TNFAIP8L3: variants seen among roughly 807,000 people sequenced by gnomAD.
TNFAIP8L3 encodes the protein tumor necrosis factor alpha-induced protein 8-like protein 3.
A neutral mutation model predicts 11.8 loss-of-function variants in TNFAIP8L3; 7 were observed. That is an observed-to-expected ratio of 0.59 (90% CI 0.34 to 1.11). The LOEUF (loss-of-function observed/expected upper bound fraction) is 1.11, where lower values mean the gene tolerates loss of function less well. Among genes scored for constraint, TNFAIP8L3 ranks in the 50% most tolerant of loss-of-function variants. The pLI is 0.03. For synonymous variants in TNFAIP8L3, 98 were observed against 103.8 expected, an observed-to-expected ratio of 0.94 and a Z score of 0.34; for missense variants, 219 against 258.6, an observed-to-expected ratio of 0.85 and a Z score of 1.05.
chr15:51,079,430 T>C (rs1274626590), intron 1 of TNFAIP8L3, among the ~76,000 whole-genome samples: 1 of 152,344 alleles, frequency 6.6e-6, no homozygotes, highest in East Asian at 1.9e-4. Context: ...CTTATTTATC[T>C]GGGCAACTGT....
Position 51,082,165 on chromosome 15 carries a change from T to A in TNFAIP8L3, c.52+12379A>T, listed in dbSNP as rs1354298359. ...AGAAATGCATTAGGGGATTTTGCCA[T>A]TGGGTGAACATCATACGGTGTACTT... is the stretch of plus-strand genomic sequence containing the variant. On this transcript the variant is annotated intron_variant, in intron 1 of 1. Coordinates refer to ENST00000637513, the MANE Select transcript of TNFAIP8L3 (RefSeq NM_001311175.2). 3.9e-5 allele frequency among the ~76,000 whole-genome samples: 6 copies of A among 152,000 alleles called. No homozygotes were observed. In the South Asian group the frequency reaches 1.0e-3, roughly 26 times the overall value.
intron 1 of TNFAIP8L3, among the ~76,000 whole-genome samples, chr15:51,100,698 A>G (rs1371735565): frequency 6.6e-6 from 1 of 152,204 alleles, no homozygotes; most frequent in African/African-American, 2.4e-5. Context: ...AGGTGGGGGA[A>G]TCAAGATGAT....
At chr15:51,101,960 A>G (rs867292411) in intron 1 of TNFAIP8L3, among the ~76,000 whole-genome samples, 56 of 151,766 alleles carry the variant, frequency 3.7e-4, no homozygotes, top group African/African-American at 8.9e-4. Flanking sequence ...AAAAAAAAAA[A>G]AAAAGAAAAG....
chr15:51,102,562 C>T (rs981699886), intron 1 of TNFAIP8L3, among the ~76,000 whole-genome samples: 26 of 152,270 alleles, frequency 1.7e-4, no homozygotes, highest in Non-Finnish European at 2.6e-4. Flanking sequence ...TACACCCAGT[C>T]GAGGGCTGTA....
chr15:51,061,452 T>C (rs1182894700), intron 1 of TNFAIP8L3, among the ~76,000 whole-genome samples: 1 of 152,264 alleles, frequency 6.6e-6, no homozygotes, highest in East Asian at 1.9e-4. Context: ...GTTAAATCAT[T>C]CTTTTAAATG....
At chr15:51,104,174 C>G (rs1207472543) in intron 1 of TNFAIP8L3, among the ~76,000 whole-genome samples, 1 of 152,174 alleles carries the variant, frequency 6.6e-6, no homozygotes, top group Non-Finnish European at 1.5e-5. Context: ...AAAGTCCTAT[C>G]AACATCTGAT....
intron 1 of TNFAIP8L3, among the ~76,000 whole-genome samples, chr15:51,081,150 GGGGT>G (rs1454981297): frequency 6.6e-6 from 1 of 152,186 alleles, no homozygotes; most frequent in Non-Finnish European, 1.5e-5. Flanking sequence ...AGGGCTTGTG[GGGGT>G]GGGTGGGGGC....
intron 1 of TNFAIP8L3, among the ~76,000 whole-genome samples, chr15:51,077,335 C>T (rs1366368574): frequency 6.6e-6 from 1 of 152,214 alleles, no homozygotes; most frequent in Non-Finnish European, 1.5e-5. Context: ...GCTGACGTAG[C>T]TGTGGGTGGG....
rs779394840 is a variant in TNFAIP8L3 at position 51,105,102 on chromosome 15, CCA to C, written c.73_74del (p.Trp25GlyfsTer83). On this transcript the variant is annotated frameshift_variant, in exon 1 of 3. Coordinates refer to the TNFAIP8L3 transcript ENST00000327536. LOFTEE classifies it high-confidence loss of function. ...CTTGGGTCCCTGCATATCCGTTGACCCACAGTTTCCCCTTTGGCTCTGCCTCA... is the reference window on the plus strand; with the variant it reads ...CTTGGGTCCCTGCATATCCGTTGACCCAGTTTCCCCTTTGGCTCTGCCTCA... 12 of 1,614,052 alleles carry C rather than the reference CCA, an allele frequency of 7.4e-6. No homozygotes were observed. In the East Asian group the frequency reaches 2.4e-4, roughly 33 times the overall value.
At chr15:51,069,529 G>A (rs1262507563) in intron 1 of TNFAIP8L3, 2 of 152,194 alleles carry the variant, frequency 1.3e-5, no homozygotes, top group Non-Finnish European at 2.9e-5. Flanking sequence ...ATTGGCAGGA[G>A]GAGCTGTAAA....
At chr15:51,087,104 G>C (rs1414211902) in intron 1 of TNFAIP8L3, among the ~76,000 whole-genome samples, 4 of 152,150 alleles carry the variant, frequency 2.6e-5, no homozygotes, top group Non-Finnish European at 5.9e-5. Context: ...CTGACCTCAG[G>C]TGATCCACCC....
chr15:51,061,974 C>G (rs1210543807), intron 1 of TNFAIP8L3, among the ~76,000 whole-genome samples: 1 of 152,082 alleles, frequency 6.6e-6, no homozygotes, highest in African/African-American at 2.4e-5. Context: ...ACCCCCAGGG[C>G]AAAATGTCCA....
intron 1 of TNFAIP8L3, chr15:51,064,524 A>G (rs1460793416): frequency 6.6e-6 from 1 of 152,182 alleles, no homozygotes; most frequent in Non-Finnish European, 1.5e-5. Flanking sequence ...ATTCTCTGGT[A>G]TGCATTATAG....
At chr15:51,067,055 T>C (rs2065276475) in intron 1 of TNFAIP8L3, among the ~76,000 whole-genome samples, 1 of 152,166 alleles carries the variant, frequency 6.6e-6, no homozygotes, top group Non-Finnish European at 1.5e-5. Context: ...CCCTCTCCCA[T>C]GGAGAAATGA....
In TNFAIP8L3 at chr15:51,091,260, G is replaced by A. The variant is rs746946049; in HGVS notation, c.52+3284C>T. The stretch of plus-strand genomic sequence containing the variant: ...CCTCCGCCCCACCCTCCACTGCAGC[G>A]TGTTGCTCTATGAGAGATCTGCTCT... On this transcript the variant is annotated intron_variant, in intron 1 of 1. Transcript: ENST00000637513. Among the ~76,000 whole-genome samples the A allele has an allele frequency of 4.6e-5, 7 of 152,216 alleles. 1 individual carries two copies. Among genetic ancestry groups the A allele is most frequent in the East Asian group, 3.8e-4 (2 of 5,204 alleles).
chr15:51,064,970 T>C (rs2065261078), intron 1 of TNFAIP8L3, among the ~76,000 whole-genome samples: 3 of 152,248 alleles, frequency 2.0e-5, no homozygotes, highest in Non-Finnish European at 4.4e-5. Context: ...TCTCCTTCTG[T>C]ATACAAGTCC....
At chr15:51,099,016 G>A (rs752772083), upstream of TNFAIP8L3, among the ~76,000 whole-genome samples, 4 of 152,160 alleles carry the variant, frequency 2.6e-5, no homozygotes, top group South Asian at 2.1e-4. Context: ...AGCCTCCTTC[G>A]TTTTCCTTGG....
Position 51,058,174 on chromosome 15 carries a change from A to C in TNFAIP8L3, c.322T>G (p.Phe108Val). ...SQEELVIVEKFRKKLNQTAMT... is the reference protein window; with the variant it reads ...SQEELVIVEKVRKKLNQTAMT... Reference sequence around the variant, plus strand: ...GCGGTCTGGTTCAGCTTCTTCCGGAACTTCTCCACAATAACCAGCTCCTCT... The same window carrying C: ...GCGGTCTGGTTCAGCTTCTTCCGGACCTTCTCCACAATAACCAGCTCCTCT... The change falls in exon 2 of 2, where the codon TTC becomes GTC. Residue 108 changes from phenylalanine (F) to valine (V), a missense_variant. Phe to Val is a conservative substitution (Grantham distance 50, BLOSUM62 -1). Coordinates refer to ENST00000637513, the MANE Select transcript of TNFAIP8L3 (RefSeq NM_001311175.2). 6.2e-7 allele frequency: 1 copy of C among 1,614,150 alleles called. No individual in the cohort carries two copies.
chr15:51,085,843 G>C (rs970082905), intron 1 of TNFAIP8L3, among the ~76,000 whole-genome samples: 1 of 152,060 alleles, frequency 6.6e-6, no homozygotes, highest in Non-Finnish European at 1.5e-5. Context: ...CACCTTCTTG[G>C]AATAGTGCAG....
Sources: allele counts gnomAD v4.1 joint callset (sites outside exome capture counted in the v4.1 genomes callset), GRCh38; gene constraint gnomAD v4.1.1; transcripts MANE v1.5; gene names NCBI Gene and HGNC (gene_info 2026-07-23, HGNC 2026-07-21).